Variants in HDLBP observed in about 807,000 individuals in gnomAD.
HDLBP encodes vigilin.
In HDLBP, 30 loss-of-function variants were observed where a neutral mutation model predicts 137.3. The observed-to-expected ratio is 0.22, with a 90% CI of 0.16 to 0.30. The LOEUF is 0.30. Among genes scored for constraint, HDLBP ranks in the 10% least tolerant of loss-of-function variants. The probability of loss-of-function intolerance (pLI) is 1.00; values close to 1 mark genes in which losing one functional copy is unlikely to be tolerated. For missense variants in HDLBP, 1,119 were observed against 1,667.3 expected, an observed-to-expected ratio of 0.67 and a Z score of 5.73; for synonymous variants, 606 against 596.0, an observed-to-expected ratio of 1.02 and a Z score of -0.24.
intron 1 of HDLBP, among the ~76,000 whole-genome samples, chr2:241,308,896 C>T (rs903760227): frequency 6.6e-6 from 1 of 152,200 alleles, no homozygotes; most frequent in Non-Finnish European, 1.5e-5. Flanking sequence ...CATCAAGATC[C>T]GACTGCTAGG....
intron 1 of HDLBP, chr2:241,279,910 C>G (rs1456504661): frequency 3.0e-6 from 3 of 985,268 alleles, no homozygotes; most frequent in Non-Finnish European, 3.6e-6. Flanking sequence ...ACAATTTATG[C>G]AGCCTACTCC....
At chr2:241,281,033 T>C (rs1293399130) in intron 1 of HDLBP, among the ~76,000 whole-genome samples, 3 of 152,236 alleles carry the variant, frequency 2.0e-5, no homozygotes, top group African/African-American at 7.2e-5. Flanking sequence ...TTAAAGAACA[T>C]GTGTCAGATA....
intron 21 of HDLBP, 126 bp from the exon 22 acceptor site, chr2:241,235,720 G>A (rs994793938): frequency 1.4e-5 from 9 of 642,916 alleles, no homozygotes; most frequent in Admixed American, 1.1e-4. Flanking sequence ...TGCCCCACCC[G>A]ACAATGCCAC....
At chr2:241,241,772 G>A (rs906908416) in intron 17 of HDLBP, among the ~76,000 whole-genome samples, 3 of 151,790 alleles carry the variant, frequency 2.0e-5, no homozygotes, top group South Asian at 2.1e-4. Context: ...CTGTTAAGTC[G>A]AACATAAAAA....
At position 241,274,638 on chromosome 2, in the gene HDLBP, A is replaced by C. The variant is rs372322951; in HGVS notation, c.-102-6097T>G. Among the ~76,000 whole-genome samples, 57 of 152,368 alleles carry C rather than the reference A, an allele frequency of 3.7e-4. No homozygotes were observed. In the East Asian group the frequency reaches 0.011, roughly 28 times the overall value. On this transcript the variant is annotated intron_variant, in intron 1 of 27. Transcript: ENST00000310931. ...AGTACACAGGACACCGTAAAGAGTT[A>C]GTTTAAAAAACACTGTTAGCAGAAG...
At chr2:241,276,408 G>A (rs940159968) in intron 1 of HDLBP, among the ~76,000 whole-genome samples, 4 of 151,974 alleles carry the variant, frequency 2.6e-5, no homozygotes, top group African/African-American at 7.3e-5. Context: ...AAAGAAAAGA[G>A]AGAAAACAAG....
In HDLBP at chr2:241,273,545, T is replaced by C; in HGVS notation, c.-102-5004A>G. ...GAAGGACTTGTCACTTCTGCATCCA[T>C]TGTGTTTACTAAGTGATAACTGCCA... On this transcript the variant is annotated intron_variant, in intron 1 of 27. Coordinates refer to ENST00000310931, the MANE Select transcript of HDLBP (RefSeq NM_005336.6). The C allele has an allele frequency of 3.2e-6, 3 of 934,636 alleles. No individual in the cohort carries two copies. The African/African-American group carries it at 5.3e-5, about 17-fold the overall frequency. 57.9% of individuals were successfully genotyped at this position (934,636 alleles called of 1,614,324 possible).
chr2:241,298,346 A>C (rs1448726331), intron 1 of HDLBP, among the ~76,000 whole-genome samples: 1 of 152,050 alleles, frequency 6.6e-6, no homozygotes. Flanking sequence ...TGCCTGGGCG[A>C]CAGAGTGAGA....
intron 11 of HDLBP, among the ~76,000 whole-genome samples, chr2:241,252,096 G>A (rs1251326387): frequency 2.0e-5 from 3 of 152,152 alleles, no homozygotes; most frequent in South Asian, 2.1e-4. Context: ...GGCACACAGC[G>A]ACCTTGGCCC....
At chr2:241,252,918 G>A in intron 11 of HDLBP, 39 bp downstream of exon 11, 1 of 1,441,188 alleles carries the variant, frequency 6.9e-7, no homozygotes, top group South Asian at 1.2e-5. Context: ...AAGGGTCTCA[G>A]GGCACACTGG....
rs1019143419 is a variant in HDLBP, at chr2:241,227,616, T to C, written c.*1985A>G. 3 of 152,668 alleles carry C rather than the reference T, an allele frequency of 2.0e-5. No individual in the cohort carries two copies. The highest frequency in any genetic ancestry group is 2.0e-4 in the Admixed American group (3 of 15,284). The allele number at this position is 152,668 out of a possible 1,614,324, so 9.5% of individuals were successfully genotyped here. On this transcript the variant is annotated 3_prime_UTR_variant, in exon 28 of 28. Transcript: ENST00000310931. The stretch of plus-strand genomic sequence containing the variant: ...AACAGTTTAGGAAAGGGCTCGCGTC[T>C]AAGACATCAAGCGACATACAGAGAT...
At chr2:241,253,132 A>G in intron 10 of HDLBP, 97 bp from the exon 11 acceptor site, 1 of 827,408 alleles carries the variant, frequency 1.2e-6, no homozygotes, top group Non-Finnish European at 2.0e-6. Flanking sequence ...TTTTCTGACC[A>G]CTCAGCTGTC....
At chr2:241,303,077 C>T (rs966259619) in intron 1 of HDLBP, among the ~76,000 whole-genome samples, 31 of 152,226 alleles carry the variant, frequency 2.0e-4, no homozygotes, top group Admixed American at 3.9e-4. Flanking sequence ...GCATTTAGAA[C>T]AGCTTTTGCA....
At chr2:241,248,376 T>C (rs777537116) in intron 12 of HDLBP, 28 bp from the exon 13 acceptor site, 8 of 1,559,846 alleles carry the variant, frequency 5.1e-6, no homozygotes, top group South Asian at 1.1e-5. Context: ...GTAGATGTCA[T>C]TTATCACAAG....
intron 22 of HDLBP, 60 bp downstream of exon 22, chr2:241,235,430 A>G: frequency 6.8e-7 from 1 of 1,469,122 alleles, no homozygotes; most frequent in Non-Finnish European, 9.5e-7. Context: ...GGACACTGGC[A>G]CTCGGGAGAG....
chr2:241,294,596 G>T (rs573437905), intron 1 of HDLBP, among the ~76,000 whole-genome samples: 3 of 152,208 alleles, frequency 2.0e-5, no homozygotes, highest in African/African-American at 7.2e-5. Context: ...AAGGCGCTGC[G>T]ACTACAGGTG....
rs917171143 is a variant in HDLBP at position 241,243,249 on chromosome 2, G to A, written c.1951-571C>T. Among the ~76,000 whole-genome samples the A allele has an allele frequency of 3.9e-5, 6 of 152,162 alleles. 1 individual carries two copies. Among genetic ancestry groups the A allele is most frequent in the Admixed American group, 3.9e-4 (6 of 15,274 alleles). ...GAAACAGAACCATCCGGAGATCAGA[G>A]CCCAAAGAGACTGGCATCGAGAACC... On this transcript the variant is annotated intron_variant, in intron 16 of 27. Coordinates refer to ENST00000310931, the MANE Select transcript of HDLBP (RefSeq NM_005336.6).
intron 1 of HDLBP, chr2:241,273,445 T>G: frequency 5.2e-5 from 22 of 425,860 alleles, no homozygotes; most frequent in Non-Finnish European, 6.9e-5. Flanking sequence ...AACCGGTGTG[T>G]GGCCTCTGAG....
chr2:241,298,415 C>A (rs575444168), intron 1 of HDLBP, among the ~76,000 whole-genome samples: 2 of 152,038 alleles, frequency 1.3e-5, no homozygotes, highest in South Asian at 4.2e-4. Context: ...ATAAAGGACA[C>A]AGGAGCTTGA....
Sources: gnomAD v4.1 joint callset for allele counts (sites outside exome capture counted in the v4.1 genomes callset) on GRCh38, gnomAD v4.1.1 for gene constraint, MANE v1.5 for transcripts, NCBI Gene and HGNC (gene_info 2026-07-23, HGNC 2026-07-21) for gene names.